ALOX12: variants seen among roughly 807,000 people sequenced by gnomAD.
The protein encoded by ALOX12 is arachidonate 12-lipoxygenase, 12S type, also known as polyunsaturated fatty acid lipoxygenase ALOX12.
ALOX12 carries 62 observed loss-of-function variants against 85.5 expected under a neutral mutation model. The ratio of observed to expected loss-of-function variants is 0.73; its 90% confidence interval spans 0.59 to 0.90. The LOEUF (loss-of-function observed/expected upper bound fraction) is 0.90. Among genes scored for constraint, ALOX12 ranks in the 40% least tolerant of loss-of-function variants. ALOX12 has a pLI of 0.00. For missense variants in ALOX12, 751 were observed against 856.5 expected, an observed-to-expected ratio of 0.88 and a Z score of 1.54; for synonymous variants, 299 against 332.7, an observed-to-expected ratio of 0.90 and a Z score of 1.10.
intron 8 of ALOX12, among the ~76,000 whole-genome samples, chr17:7,004,490 T>TATTTAATATTAAATTAATTTAA (rs1908936650): frequency 6.8e-6 from 1 of 147,128 alleles, no homozygotes. Context: ...TAAAATTAAA[T>TATTTAATATTAAATTAATTTAA]ATTTAATATT....
chr17:7,000,233 C>G lies in ALOX12; in HGVS notation c.808-103C>G. The stretch of plus-strand genomic sequence containing the variant: ...TCCCAACAGGGCTCCGGTACTGATG[C>G]AGGAGAATGGCAAGAAGCTAGACTA... On this transcript the variant is annotated intron_variant, in intron 6 of 13. Transcript: ENST00000251535. The surrounding 1 kb of genome is among the most constrained non-coding windows in gnomAD (Gnocchi z 4.6). 7.2e-7 allele frequency: 1 copy of G among 1,379,598 alleles called. No homozygotes were observed. The highest frequency in any genetic ancestry group is 2.3e-5 in the East Asian group (1 of 43,354). 85.5% of individuals were successfully genotyped at this position (1,379,598 alleles called of 1,614,324 possible).
At chr17:7,008,189 T>G (rs2151647226) in intron 11 of ALOX12, among the ~76,000 whole-genome samples, 1 of 152,294 alleles carries the variant, frequency 6.6e-6, no homozygotes, top group East Asian at 1.9e-4. Flanking sequence ...ATATAAAAAT[T>G]TTTCGGAGCC....
At chr17:7,004,217 A>T (rs1027294615) in intron 8 of ALOX12, among the ~76,000 whole-genome samples, 1 of 116,470 alleles carries the variant, frequency 8.6e-6, no homozygotes, top group East Asian at 2.5e-4. Context: ...TTAATATTAA[A>T]TTAATTTAAT....
At chr17:7,006,775 A>G (rs1002434768) in intron 11 of ALOX12, among the ~76,000 whole-genome samples, 168 bp downstream of exon 11, 2 of 151,924 alleles carry the variant, frequency 1.3e-5, no homozygotes, top group Non-Finnish European at 2.9e-5. Flanking sequence ...ACTCAGGACA[A>G]TTCTAGAGAC....
Position 7,010,473 on chromosome 17 carries a change from C to G in ALOX12, c.*50C>G. On this transcript the variant is annotated 3_prime_UTR_variant, in exon 14 of 14. Transcript: ENST00000251535. ...GATTTCACATCAGCTTTAGGACTGA[C>G]ATTTCTATCTTGAATTTCATGCTTT... is the stretch of plus-strand genomic sequence containing the variant. 1 of 1,569,320 alleles carries G rather than the reference C, an allele frequency of 6.4e-7. No homozygotes were observed. Among genetic ancestry groups the G allele is most frequent in the South Asian group, 1.2e-5 (1 of 85,102 alleles).
At chr17:7,007,543 GTTC>G (rs1909148373) in intron 11 of ALOX12, among the ~76,000 whole-genome samples, 1 of 152,168 alleles carries the variant, frequency 6.6e-6, no homozygotes, top group Non-Finnish European at 1.5e-5. Context: ...ACTCTCTCTA[GTTC>G]TTCTCAGTAC....
chr17:7,003,881 G>C (rs1160644285), intron 8 of ALOX12, among the ~76,000 whole-genome samples: 4 of 152,004 alleles, frequency 2.6e-5, no homozygotes, highest in Admixed American at 2.0e-4. Context: ...TAACACCAAA[G>C]GTGTCATTGG....
Position 6,998,900 on chromosome 17 carries a change from C to T in ALOX12, c.543-53C>T, listed in dbSNP as rs951059647. ...TGGGAGGGCCAAGAATGATGATAGA[C>T]GGTGAGGGACTGAGGGATCAGCTGA... On this transcript the variant is annotated intron_variant, in intron 4 of 13. Coordinates refer to ENST00000251535, the MANE Select transcript of ALOX12 (RefSeq NM_000697.3). 23 of 1,613,728 alleles carry T rather than the reference C, an allele frequency of 1.4e-5. 1 individual carries two copies. The highest frequency in any genetic ancestry group is 6.7e-5 in the African/African-American group (5 of 74,916).
At chr17:7,002,669 T>G (rs1908764787) in intron 8 of ALOX12, 1 of 360,600 alleles carries the variant, frequency 2.8e-6, no homozygotes, top group Non-Finnish European at 5.5e-6. Context: ...TATAAAACAG[T>G]GAGTTCCATA....
chr17:7,010,268 A>G lies in ALOX12; in HGVS notation c.1837A>G (p.Lys613Glu). 1.2e-6 allele frequency: 2 copies of G among 1,613,930 alleles called. No homozygotes were observed. Among genetic ancestry groups the G allele is most frequent in the Non-Finnish European group, 1.7e-6 (2 of 1,179,958 alleles). The part of the protein sequence containing the change: ...DMVPLGHHKE[K>E]YFSGPKPKAV... ...GGTGCCTCTGGGGCACCACAAAGAA[A>G]AATATTTCTCAGGCCCCAAGCCCAA... The change falls in exon 14 of 14, where the codon AAA becomes GAA. Residue 613 changes from lysine to glutamate, a missense_variant. Lys to Glu is a moderately conservative substitution (Grantham distance 56). Transcript: ENST00000251535.
chr17:7,007,389 A>T (rs1313021339), intron 11 of ALOX12, among the ~76,000 whole-genome samples: 1 of 152,178 alleles, frequency 6.6e-6, no homozygotes, highest in South Asian at 2.1e-4. Context: ...CTAGGCTGTG[A>T]ATACCATCCT....
chr17:7,005,517 G>A (rs1410247913), intron 9 of ALOX12, among the ~76,000 whole-genome samples, 174 bp downstream of exon 9: 1 of 113,102 alleles, frequency 8.8e-6, no homozygotes, highest in East Asian at 2.7e-4. Flanking sequence ...GTCTAGCTCT[G>A]TCGCCCAGGT....
chr17:7,007,104 G>A (rs1909125378), intron 11 of ALOX12, among the ~76,000 whole-genome samples: 1 of 152,172 alleles, frequency 6.6e-6, no homozygotes, highest in Non-Finnish European at 1.5e-5. Context: ...TGCAAGGTCA[G>A]CTCTTGATGC....
intron 10 of ALOX12, 39 bp downstream of exon 10, chr17:7,006,066 G>GGA: frequency 6.5e-6 from 1 of 154,240 alleles, no homozygotes; most frequent in Non-Finnish European, 1.5e-5. Flanking sequence ...GGGCCGGGGG[G>GGA]GGGGGGGGCT....
chr17:6,998,571 G>C lies in ALOX12; in HGVS notation c.400G>C (p.Asp134His), dbSNP rs114985038. 1.1e-3 allele frequency: 1,844 copies of C among 1,613,958 alleles called. 16 individuals carry two copies. In the African/African-American group the frequency reaches 0.015, roughly 13 times the overall value. The change falls in exon 3 of 14, where the codon GAC becomes CAC. Residue 134 changes from aspartate to histidine, a missense_variant. Asp to His is a moderately conservative substitution (Grantham distance 81). Transcript: ENST00000251535. ...GAAGCATCGAGAGAAGGAACTGAAA[G>C]ACAGACAGCAGATCTACTGGTGACC... ...FQKHREKELK[D>H]RQQIYCWATW...
chr17:6,998,460 C>T (rs754047626), intron 2 of ALOX12, 49 bp from the exon 3 acceptor site: 3 of 1,243,208 alleles, frequency 2.4e-6, no homozygotes, highest in Non-Finnish European at 3.5e-6. Flanking sequence ...AAGAGGCGGG[C>T]ATAGGACCAG....
rs574333488 is a variant in ALOX12, at chr17:7,010,574, G to T, written c.*151G>T. The T allele has an allele frequency of 3.1e-6, 3 of 957,106 alleles. No individual in the cohort carries two copies. In the East Asian group the frequency reaches 8.1e-5, roughly 26 times the overall value. The allele number at this position is 957,106 out of a possible 1,614,324, so 59.3% of individuals were successfully genotyped here. On this transcript the variant is annotated 3_prime_UTR_variant, in exon 14 of 14. Coordinates refer to ENST00000251535, the MANE Select transcript of ALOX12 (RefSeq NM_000697.3). The stretch of plus-strand genomic sequence containing the variant: ...TACATTAGTATCCCACTAGCCCAGG[G>T]GAGCAGTAAACTTTCTCTGCAAAGA...
chr17:7,001,552 C>A, intron 7 of ALOX12, 50 bp from the exon 8 acceptor site: 2 of 1,511,400 alleles, frequency 1.3e-6, no homozygotes, highest in Non-Finnish European at 9.2e-7. Context: ...AGAATGCTGA[C>A]TATAATGTCA....
rs765995089 is a variant in ALOX12 at position 6,999,068 on chromosome 17, C to T, written c.646+12C>T. ...GAGTGCCCTGGCTGGTCAGTGGTTC[C>T]CCGAGGTCTCCATAATCCCTTAATG... On this transcript the variant is annotated intron_variant, in intron 5 of 13. Coordinates refer to ENST00000251535, the MANE Select transcript of ALOX12 (RefSeq NM_000697.3). 6.8e-6 allele frequency: 11 copies of T among 1,610,766 alleles called. No individual in the cohort carries two copies. In the African/African-American group the frequency reaches 1.3e-4, roughly 20 times the overall value.
Sources: allele counts gnomAD v4.1 joint callset (sites outside exome capture counted in the v4.1 genomes callset), GRCh38; gene constraint gnomAD v4.1.1; non-coding constraint Gnocchi (gnomAD v3.1); transcripts MANE v1.5; gene names NCBI Gene and HGNC (gene_info 2026-07-23, HGNC 2026-07-21).